Variants in OSBPL11 observed in about 807,000 individuals in gnomAD.
The protein encoded by OSBPL11 is oxysterol-binding protein-related protein 11.
A neutral mutation model predicts 84.4 loss-of-function variants in OSBPL11; 33 were observed. That is an observed-to-expected ratio of 0.39 (90% CI 0.30 to 0.52). The LOEUF (loss-of-function observed/expected upper bound fraction) is 0.52, where lower values mean the gene tolerates loss of function less well. Ranked by LOEUF, OSBPL11 falls within the 20% of genes least tolerant of loss-of-function variation. The pLI, the probability that OSBPL11 is intolerant of heterozygous loss-of-function variation, is 0.72. For synonymous variants in OSBPL11, 276 were observed against 310.2 expected, an observed-to-expected ratio of 0.89 and a Z score of 1.16; for missense variants, 736 against 901.1, an observed-to-expected ratio of 0.82 and a Z score of 2.35.
chr3:125,578,737 C>A (rs1291182905), intron 4 of OSBPL11, among the ~76,000 whole-genome samples: 1 of 151,734 alleles, frequency 6.6e-6, no homozygotes, highest in African/African-American at 2.4e-5. Flanking sequence ...CGCCACTGCA[C>A]TCTAGCCTGG....
chr3:125,590,562 AAAT>A (rs1005278489), intron 1 of OSBPL11, among the ~76,000 whole-genome samples: 6 of 152,184 alleles, frequency 3.9e-5, no homozygotes, highest in African/African-American at 1.4e-4. Flanking sequence ...CTCAAAAAAA[AAAT>A]TTTTTTTTTC....
intron 6 of OSBPL11, 23 bp downstream of exon 6, chr3:125,567,371 C>G (rs16836866): frequency 6.3e-7 from 1 of 1,581,428 alleles, no homozygotes; most frequent in South Asian, 1.1e-5. Context: ...ATTGTGAAGC[C>G]CTACCTTTAA....
chr3:125,560,459 C>G lies in OSBPL11; in HGVS notation c.1075G>C (p.Asp359His). ...CGTTGTTCTTCTACAGCTCCCAGGTCATCCTCTTTGTGGTCACATGTATCC... is the reference window on the plus strand; with the variant it reads ...CGTTGTTCTTCTACAGCTCCCAGGTGATCCTCTTTGTGGTCACATGTATCC... ...IEDTCDHKED[D>H]LGAVEEQRSV... is the part of the protein sequence containing the mutation. The change falls in exon 8 of 13, where the codon GAC (aspartate) becomes CAC (histidine). Residue 359 changes from aspartate to histidine, a missense_variant. Asp to His is a moderately conservative substitution (Grantham distance 81). Around this residue, in one of 3 missense-constraint regions of OSBPL11, gnomAD observed 579 missense variants for 717.6 expected, o/e 0.81. Coordinates refer to ENST00000296220, the MANE Select transcript of OSBPL11 (RefSeq NM_022776.5). The G allele has an allele frequency of 6.2e-7, 1 of 1,608,910 alleles. No individual in the cohort carries two copies. Among genetic ancestry groups the G allele is most frequent in the Admixed American group, 1.7e-5 (1 of 59,762 alleles).
intron 6 of OSBPL11, among the ~76,000 whole-genome samples, chr3:125,565,576 A>G (rs114594265): frequency 8.8e-4 from 134 of 152,362 alleles, no homozygotes; most frequent in Middle Eastern, 3.4e-3. Flanking sequence ...AGAAGAAAAA[A>G]GAGAAAACCT....
At chr3:125,551,791 G>T (rs1244661339) in intron 9 of OSBPL11, among the ~76,000 whole-genome samples, 2 of 151,358 alleles carry the variant, frequency 1.3e-5, no homozygotes, top group African/African-American at 2.4e-5. Flanking sequence ...AAAAAGAAAA[G>T]AAAACAAACG....
intron 1 of OSBPL11, among the ~76,000 whole-genome samples, chr3:125,584,381 TAAAA>T (rs549142890): frequency 1.3e-5 from 2 of 151,840 alleles, no homozygotes; most frequent in African/African-American, 2.4e-5. Flanking sequence ...AAAACAAAAA[TAAAA>T]AAACAGAAAA....
At chr3:125,546,088 A>G (rs908432273) in intron 10 of OSBPL11, among the ~76,000 whole-genome samples, 1 of 151,508 alleles carries the variant, frequency 6.6e-6, no homozygotes, top group African/African-American at 2.4e-5. Context: ...GGAGTACAAA[A>G]CCAGTCTGGG....
intron 11 of OSBPL11, among the ~76,000 whole-genome samples, chr3:125,536,174 G>A (rs1281778094): frequency 6.6e-6 from 1 of 151,476 alleles, no homozygotes; most frequent in African/African-American, 2.4e-5. Flanking sequence ...GATACAGTTT[G>A]AAAAAGAGAA....
intron 11 of OSBPL11, among the ~76,000 whole-genome samples, chr3:125,532,797 C>G (rs1188939243): frequency 7.0e-6 from 1 of 142,104 alleles, no homozygotes. Context: ...ATGTTCACAG[C>G]AGTATTATGG....
chr3:125,549,936 T>C (rs1935875134), intron 9 of OSBPL11, among the ~76,000 whole-genome samples: 1 of 152,234 alleles, frequency 6.6e-6, no homozygotes, highest in Admixed American at 6.5e-5. Context: ...TTAACATTTA[T>C]GACCTTAGAC....
At position 125,595,031 on chromosome 3, in the gene OSBPL11, A is replaced by G; in HGVS notation, c.-231T>C. On this transcript the variant is annotated 5_prime_UTR_variant, in exon 1 of 13. Transcript: ENST00000296220. ...ACGAGGACAGATATCCTTCACATGTATCTCTCTCCTTTCCGGCAAAAGCAA... is the reference window on the plus strand; with the variant it reads ...ACGAGGACAGATATCCTTCACATGTGTCTCTCTCCTTTCCGGCAAAAGCAA... 2.2e-6 allele frequency: 1 copy of G among 457,978 alleles called. No individual in the cohort carries two copies. Among genetic ancestry groups the G allele is most frequent in the Non-Finnish European group, 3.9e-6 (1 of 255,372 alleles). 28.4% of individuals were successfully genotyped at this position (457,978 alleles called of 1,614,324 possible). A position where few individuals can be genotyped will look rare whatever the true frequency, so the allele number is the denominator to read the frequency against.
intron 1 of OSBPL11, among the ~76,000 whole-genome samples, chr3:125,591,342 T>A (rs1936592594): frequency 6.6e-6 from 1 of 152,144 alleles, no homozygotes; most frequent in Non-Finnish European, 1.5e-5. Flanking sequence ...TGAAGAACAG[T>A]GAAAAGTGAT....
intron 10 of OSBPL11, among the ~76,000 whole-genome samples, chr3:125,546,661 C>T (rs1935821725): frequency 6.6e-6 from 1 of 151,976 alleles, no homozygotes; most frequent in African/African-American, 2.4e-5. Flanking sequence ...GAGGTTGAGG[C>T]AGGCAGATCA....
At chr3:125,559,203 C>T (rs1253787001) in intron 8 of OSBPL11, among the ~76,000 whole-genome samples, 1 of 152,178 alleles carries the variant, frequency 6.6e-6, no homozygotes, top group Non-Finnish European at 1.5e-5. Context: ...ATAGATAATA[C>T]CCCAAATGTA....
At chr3:125,594,258 C>T (rs1288672461) in intron 1 of OSBPL11, among the ~76,000 whole-genome samples, 2 of 152,188 alleles carry the variant, frequency 1.3e-5, no homozygotes, top group Non-Finnish European at 2.9e-5. Flanking sequence ...TATTTGCTAC[C>T]CTCTCGAGAA....
intron 8 of OSBPL11, among the ~76,000 whole-genome samples, chr3:125,558,324 A>G (rs1013333808): frequency 6.6e-6 from 1 of 152,200 alleles, no homozygotes; most frequent in African/African-American, 2.4e-5. Context: ...TCAGAAGACT[A>G]TTCATTTTTA....
At chr3:125,540,670 G>T (rs183388085) in intron 10 of OSBPL11, among the ~76,000 whole-genome samples, 1 of 152,276 alleles carries the variant, frequency 6.6e-6, no homozygotes, top group Admixed American at 6.5e-5. Flanking sequence ...AAGATAATCA[G>T]CTCCTCACTT....
At chr3:125,534,356 C>G (rs1935607682) in intron 11 of OSBPL11, among the ~76,000 whole-genome samples, 1 of 151,284 alleles carries the variant, frequency 6.6e-6, no homozygotes, top group South Asian at 2.1e-4. Flanking sequence ...GCACTCCAGC[C>G]TGGGCGACAG....
chr3:125,570,071 A>C (rs1035630669), intron 5 of OSBPL11, among the ~76,000 whole-genome samples: 17 of 152,208 alleles, frequency 1.1e-4, no homozygotes, highest in African/African-American at 4.1e-4. Flanking sequence ...AAGAATCTTA[A>C]GACATTCACA....
Sources: allele counts gnomAD v4.1 joint callset (sites outside exome capture counted in the v4.1 genomes callset), GRCh38; gene constraint gnomAD v4.1.1; regional missense constraint gnomAD v4.1.1; transcripts MANE v1.5; gene names NCBI Gene and HGNC (gene_info 2026-07-23, HGNC 2026-07-21).